Variants in SLC35E2B observed in about 807,000 individuals in gnomAD.
SLC35E2B encodes solute carrier family 35 member E2B, also known as solute carrier family 35, member E2B.
A neutral mutation model predicts 32.4 loss-of-function variants in SLC35E2B; 18 were observed. The observed-to-expected ratio is 0.56, with a 90% CI of 0.38 to 0.82. SLC35E2B has a LOEUF of 0.82. Among genes scored for constraint, SLC35E2B ranks in the 40% least tolerant of loss-of-function variants. The pLI, the probability that SLC35E2B is intolerant of heterozygous loss-of-function variation, is 0.00. For synonymous variants in SLC35E2B, 132 were observed against 209.1 expected, an observed-to-expected ratio of 0.63 and a Z score of 3.18; for missense variants, 263 against 469.5, an observed-to-expected ratio of 0.56 and a Z score of 4.06.
chr1:1,665,862 T>G lies in SLC35E2B; in HGVS notation c.1138A>C (p.Ser380Arg), dbSNP rs1409718919. The change falls in exon 10 of 10, where the codon AGC becomes CGC. Residue 380 changes from serine to arginine, a missense_variant. Physicochemically the swap from Ser to Arg is moderately radical, Grantham distance 110. Transcript: ENST00000617444. ...GCCCGGCCAGTGGCTGCAGCCAGGC[T>G]CTGCAGCGCCTCCTGCTGGTGTTGC... ...ARQHQQEALQ[S>R]LAAATGRAPD... 6.4e-7 allele frequency: 1 copy of G among 1,550,830 alleles called. No individual in the cohort carries two copies. The highest frequency in any genetic ancestry group is 8.7e-7 in the Non-Finnish European group (1 of 1,146,986).
chr1:1,663,215 T>C lies in SLC35E2B; in HGVS notation c.*2567A>G, dbSNP rs1004223786. On this transcript the variant is annotated 3_prime_UTR_variant, in exon 10 of 10. Transcript: ENST00000617444. ...GCTAATCCTTTGGAAAAACGTTTGTTTCTGGTCCACAAACAGAAAATCCAA... is the reference window on the plus strand; with the variant it reads ...GCTAATCCTTTGGAAAAACGTTTGTCTCTGGTCCACAAACAGAAAATCCAA... 2.1e-6 allele frequency: 2 copies of C among 948,150 alleles called. No individual in the cohort carries two copies. Among genetic ancestry groups the C allele is most frequent in the African/African-American group, 3.5e-5 (2 of 56,934 alleles). The allele number at this position is 948,150 out of a possible 1,614,324, so 58.7% of individuals were successfully genotyped here.
intron 2 of SLC35E2B, among the ~76,000 whole-genome samples, chr1:1,687,396 G>T (rs896941571): frequency 6.6e-6 from 1 of 151,848 alleles, no homozygotes; most frequent in African/African-American, 2.4e-5. Flanking sequence ...GGGCAATGTG[G>T]CGAAACCCTG....
chr1:1,686,151 C>T (rs774522762), intron 2 of SLC35E2B, among the ~76,000 whole-genome samples: 15 of 152,044 alleles, frequency 9.9e-5, no homozygotes, highest in South Asian at 2.1e-4. Flanking sequence ...ATTACATGCA[C>T]GTGCCACCAA....
At chr1:1,687,302 C>T (rs943471327) in intron 2 of SLC35E2B, among the ~76,000 whole-genome samples, 2 of 152,120 alleles carry the variant, frequency 1.3e-5, no homozygotes, top group African/African-American at 4.8e-5. Context: ...AGGGGCTGGG[C>T]GCAATGGCTC....
intron 8 of SLC35E2B, among the ~76,000 whole-genome samples, chr1:1,668,992 A>C (rs1643616546): frequency 7.2e-6 from 1 of 139,784 alleles, no homozygotes; most frequent in Non-Finnish European, 1.5e-5. Flanking sequence ...TATCATCTCC[A>C]AAAAAAAAAA....
intron 7 of SLC35E2B, 68 bp from the exon 8 acceptor site, chr1:1,669,804 C>G (rs1643639564): frequency 6.8e-7 from 1 of 1,477,210 alleles, no homozygotes; most frequent in African/African-American, 1.4e-5. Flanking sequence ...AGCTCCCTCA[C>G]AGCAAGAACA....
rs187674728 is a variant in SLC35E2B at position 1,674,865 on chromosome 1, C to T, written c.586+598G>A. 1.6e-3 allele frequency among the ~76,000 whole-genome samples: 246 copies of T among 152,250 alleles called. 2 individuals are homozygous for T. Among genetic ancestry groups the T allele is most frequent in the African/African-American group, 5.1e-3 (213 of 41,544 alleles). On this transcript the variant is annotated intron_variant, in intron 5 of 9. Coordinates refer to ENST00000617444, the MANE Select transcript of SLC35E2B (RefSeq NM_001290264.2). Reference sequence around the variant, plus strand: ...CACCCCCCGACTCCGTTCAAGACGCCGCGCTCTGTGGGCGCCTCTGCTCCT... The same window carrying T: ...CACCCCCCGACTCCGTTCAAGACGCTGCGCTCTGTGGGCGCCTCTGCTCCT...
Position 1,662,555 on chromosome 1 carries a change from C to T in SLC35E2B, c.*3227G>A, listed in dbSNP as rs1408690646. 2 of 824,188 alleles carry T rather than the reference C, an allele frequency of 2.4e-6. No individual in the cohort carries two copies. The highest frequency in any genetic ancestry group is 2.9e-6 in the Non-Finnish European group (2 of 682,710). 51.1% of individuals were successfully genotyped at this position (824,188 alleles called of 1,614,324 possible). ...AGCTGTTTAAAATGACTGTCTGACT[C>T]ACCATGGTAATTTTTCACAAATTAA... On this transcript the variant is annotated 3_prime_UTR_variant, in exon 10 of 10. Transcript: ENST00000617444.
chr1:1,665,353 C>T lies in SLC35E2B; in HGVS notation c.*429G>A, dbSNP rs959916954. The T allele has an allele frequency of 3.7e-5, 15 of 410,522 alleles. No individual in the cohort carries two copies. Among genetic ancestry groups the T allele is most frequent in the East Asian group, 1.5e-4 (4 of 27,470 alleles). 25.4% of individuals were successfully genotyped at this position (410,522 alleles called of 1,614,324 possible). ...GGCCTCATGCCCAGGGCCAGTCTGC[C>T]GCCGGTCCAGGGCCTCAGGGCCTTC... On this transcript the variant is annotated 3_prime_UTR_variant, in exon 10 of 10. Transcript: ENST00000617444.
chr1:1,678,737 G>C (rs1274164694), intron 2 of SLC35E2B, among the ~76,000 whole-genome samples: 3 of 152,150 alleles, frequency 2.0e-5, no homozygotes, highest in Admixed American at 2.0e-4. Flanking sequence ...CTGTTCAGCA[G>C]CACAGTCCCA....
intron 2 of SLC35E2B, among the ~76,000 whole-genome samples, chr1:1,680,805 CTTT>C (rs751698818): frequency 7.1e-6 from 1 of 141,442 alleles, no homozygotes; most frequent in Non-Finnish European, 1.6e-5. Flanking sequence ...GCTGCTTATT[CTTT>C]TTTTTTTTTT....
chr1:1,687,171 G>A lies in SLC35E2B; in HGVS notation c.-148+3805C>T, dbSNP rs540149033. Reference sequence around the variant, plus strand: ...AGCGCACAGGCTTGAACGGATGGGCGGACGGGCGACACGCACGCACACACA... The same window carrying A: ...AGCGCACAGGCTTGAACGGATGGGCAGACGGGCGACACGCACGCACACACA... On this transcript the variant is annotated intron_variant, in intron 2 of 9. Transcript: ENST00000617444. Among the ~76,000 whole-genome samples the A allele has an allele frequency of 6.4e-4, 97 of 152,306 alleles. 1 individual carries two copies. Among genetic ancestry groups the A allele is most frequent in the African/African-American group, 2.1e-3 (87 of 41,554 alleles).
chr1:1,675,496 T>A lies in SLC35E2B; in HGVS notation c.553A>T (p.Ile185Phe). Residue 185 changes from isoleucine to phenylalanine, a missense_variant, in exon 5 of 10, where the codon ATC becomes TTC. Around this residue, in one of 7 missense-constraint regions of SLC35E2B, gnomAD observed 129 missense variants for 164.5 expected, o/e 0.78. Transcript: ENST00000617444. ...TCCCCCAGAATCATCCGAGACATGA[T>A]CACCGTGAAGATGGGGGCGGAGCTC... is the stretch of plus-strand genomic sequence containing the variant. ...VKSSAPIFTV[I>F]MSRMILGEYT... 6.2e-7 allele frequency: 1 copy of A among 1,606,300 alleles called. No homozygotes were observed. Among genetic ancestry groups the A allele is most frequent in the Non-Finnish European group, 8.5e-7 (1 of 1,176,912 alleles).
rs888964945 is a variant in SLC35E2B, at chr1:1,665,315, G to A, written c.*467C>T. The A allele has an allele frequency of 2.0e-5, 7 of 350,946 alleles. No homozygotes were observed. In the South Asian group the frequency reaches 4.6e-4, roughly 23 times the overall value. The allele number at this position is 350,946 out of a possible 1,614,324, so 21.7% of individuals were successfully genotyped here. On this transcript the variant is annotated 3_prime_UTR_variant, in exon 10 of 10. Coordinates refer to ENST00000617444, the MANE Select transcript of SLC35E2B (RefSeq NM_001290264.2). Reference sequence around the variant, plus strand: ...CCAGGGCCCTCTGTCCCCTCCCTTCGGCCCTGCTCTGTGGCCTCATGCCCA... The same window carrying A: ...CCAGGGCCCTCTGTCCCCTCCCTTCAGCCCTGCTCTGTGGCCTCATGCCCA...
chr1:1,687,204 ACACAG>A (rs1643961942), intron 2 of SLC35E2B, among the ~76,000 whole-genome samples: 1 of 152,208 alleles, frequency 6.6e-6, no homozygotes, highest in East Asian at 1.9e-4. Context: ...ACACACCCCA[ACACAG>A]CACATCTGCC....
At chr1:1,679,247 C>T (rs1017354686) in intron 2 of SLC35E2B, among the ~76,000 whole-genome samples, 3 of 152,198 alleles carry the variant, frequency 2.0e-5, no homozygotes, top group Non-Finnish European at 4.4e-5. Flanking sequence ...CAGTCACGTC[C>T]CACCTGACGT....
intron 2 of SLC35E2B, among the ~76,000 whole-genome samples, chr1:1,681,631 C>T (rs1223369638): frequency 6.6e-6 from 1 of 150,390 alleles, no homozygotes; most frequent in East Asian, 2.0e-4. Flanking sequence ...CTCAGCCTCT[C>T]GGGCAGCTGG....
chr1:1,671,734 C>T (rs551072356), intron 5 of SLC35E2B, 105 bp from the exon 6 acceptor site: 66 of 1,181,984 alleles, frequency 5.6e-5, no homozygotes, highest in Middle Eastern at 3.0e-4. Flanking sequence ...CGGATGCTTC[C>T]TTCAATTCAA....
At chr1:1,670,490 C>T (rs1375209970) in intron 6 of SLC35E2B, 18 of 195,732 alleles carry the variant, frequency 9.2e-5, no homozygotes, top group Admixed American at 2.9e-4. Context: ...GGCGCAATCT[C>T]GGCTCACTGC....
Sources: gnomAD v4.1 joint callset for allele counts (sites outside exome capture counted in the v4.1 genomes callset) on GRCh38, gnomAD v4.1.1 for gene constraint, gnomAD v4.1.1 regional missense constraint, MANE v1.5 for transcripts, NCBI Gene and HGNC (gene_info 2026-07-23, HGNC 2026-07-21) for gene names.